The following GPHN variants were observed in gnomAD, a reference collection of about 807,000 sequenced individuals.
GPHN encodes gephyrin.
GPHN carries 17 observed loss-of-function variants against 95.5 expected under a neutral mutation model. The ratio of observed to expected loss-of-function variants is 0.18; its 90% confidence interval spans 0.12 to 0.27. GPHN has a LOEUF of 0.27. Ranked by LOEUF, GPHN falls within the 10% of genes least tolerant of loss-of-function variation. GPHN has a pLI of 1.00. For synonymous variants in GPHN, 320 were observed against 322.5 expected (o/e 0.99, Z 0.08); for missense variants, 660 against 978.1 (o/e 0.67, Z 4.34).
At chr14:67,034,283 A>G (rs932758062) in intron 10 of GPHN, among the ~76,000 whole-genome samples, 1 of 152,212 alleles carries the variant, frequency 6.6e-6, no homozygotes, top group African/African-American at 2.4e-5. Context: ...GTTCTGTTTC[A>G]TGTAAGTCTC....
Position 66,584,046 on chromosome 14 carries a change from A to T in GPHN, c.64+75455A>T, listed in dbSNP as rs554636581. Among the ~76,000 whole-genome samples the T allele has an allele frequency of 3.0e-3, 461 of 151,584 alleles. 3 individuals are homozygous for T. The highest frequency in any genetic ancestry group is 0.011 in the African/African-American group (440 of 41,368). On this transcript the variant is annotated intron_variant, in intron 1 of 22. Coordinates refer to ENST00000478722, the MANE Select transcript of GPHN (RefSeq NM_020806.5). ...TGGAATGTTCTTCCATTTGTTTGTA[A>T]CCTCTTTTATTTCATTGAGCAGTGG... is the stretch of plus-strand genomic sequence containing the variant.
chr14:66,801,284 G>A lies in GPHN; in HGVS notation c.202-23190G>A, dbSNP rs139520975. On this transcript the variant is annotated intron_variant, in intron 3 of 22. Coordinates refer to ENST00000478722, the MANE Select transcript of GPHN (RefSeq NM_020806.5). ...TGTTCATCTGTGTCTGGGCATTAAA[G>A]TGTTATGTATTTCCTGTAGTCTTTG... Among the ~76,000 whole-genome samples the A allele has an allele frequency of 1.4e-4, 21 of 152,222 alleles. No individual in the cohort carries two copies. The East Asian group carries it at 3.5e-3, about 25-fold the overall frequency.
chr14:66,513,692 C>T (rs888768113), intron 1 of GPHN, among the ~76,000 whole-genome samples: 2 of 151,800 alleles, frequency 1.3e-5, no homozygotes, highest in African/African-American at 4.8e-5. Flanking sequence ...GTAATTGGGA[C>T]TGTAGTCAAT....
chr14:67,165,468 TCC>T (rs2082222668), intron 20 of GPHN, among the ~76,000 whole-genome samples: 1 of 78,774 alleles, frequency 1.3e-5, no homozygotes, highest in Admixed American at 1.6e-4. Context: ...ACATTCCAAA[TCC>T]TATCAAAGCA....
At chr14:66,860,930 A>G (rs1402065008) in intron 4 of GPHN, among the ~76,000 whole-genome samples, 1 of 152,118 alleles carries the variant, frequency 6.6e-6, no homozygotes, top group East Asian at 1.9e-4. Flanking sequence ...CCACCAGAGA[A>G]AATCACTTCC....
intron 9 of GPHN, chr14:66,996,208 G>A (rs776654771): frequency 6.5e-5 from 99 of 1,527,688 alleles, no homozygotes; most frequent in South Asian, 2.1e-4. Context: ...TCTACCTATA[G>A]TGTATCTGAG....
At chr14:66,681,012 C>A (rs2153395239) in intron 1 of GPHN, 95 bp from the exon 2 acceptor site, 5 of 711,794 alleles carry the variant, frequency 7.0e-6, no homozygotes, top group African/African-American at 1.8e-5. Flanking sequence ...AAAAAAAAAG[C>A]TATTTTTCAT....
At chr14:67,061,086 G>T (rs930951564) in intron 11 of GPHN, among the ~76,000 whole-genome samples, 2 of 151,686 alleles carry the variant, frequency 1.3e-5, no homozygotes, top group Non-Finnish European at 1.5e-5. Context: ...TTGTTGCCCA[G>T]TCTGGAGTGC....
At chr14:67,487,185 G>C in the GPHN span, 1 of 152,212 alleles carries the variant, frequency 6.6e-6, no homozygotes, top group South Asian at 2.1e-4. Flanking sequence ...GGGAATAAAA[G>C]AGGAGGCTTT....
chr14:66,869,184 A>G (rs926321762), intron 4 of GPHN, among the ~76,000 whole-genome samples: 6 of 152,180 alleles, frequency 3.9e-5, no homozygotes, highest in Admixed American at 2.6e-4. Context: ...CAAGCTTTTA[A>G]TGGCATCTTT....
intron 2 of GPHN, among the ~76,000 whole-genome samples, chr14:66,721,291 T>A (rs985900307): frequency 1.6e-4 from 25 of 152,156 alleles, no homozygotes; most frequent in African/African-American, 5.8e-4. Flanking sequence ...ACCATAAAGA[T>A]CTGATGAGAG....
chr14:67,646,847 C>G, the GPHN span: 1 of 1,376,998 alleles, frequency 7.3e-7, no homozygotes, highest in South Asian at 1.2e-5. Flanking sequence ...AACAAACCCA[C>G]CCTCTCCCCC....
the GPHN span, among the ~76,000 whole-genome samples, chr14:67,644,957 C>T: frequency 6.6e-6 from 1 of 150,812 alleles, no homozygotes. Context: ...GAGATTGCGC[C>T]ACTGCACTCC....
chr14:67,473,287 C>T, the GPHN span: 1 of 1,276,826 alleles, frequency 7.8e-7, no homozygotes, highest in Non-Finnish European at 1.1e-6. The surrounding 1 kb of genome is among the most constrained non-coding windows in gnomAD (Gnocchi z 6.5). Context: ...CGTTAGGGGG[C>T]TCTGTGTGCC....
chr14:66,891,568 A>G (rs140801303), intron 5 of GPHN, among the ~76,000 whole-genome samples: 1 of 152,136 alleles, frequency 6.6e-6, no homozygotes, highest in Non-Finnish European at 1.5e-5. Flanking sequence ...GGACAGCTTC[A>G]TGACATTAGA....
chr14:67,058,553 G>T, intron 10 of GPHN, 96 bp from the exon 11 acceptor site: 1 of 1,042,348 alleles, frequency 9.6e-7, no homozygotes. Context: ...TTCATCTGGG[G>T]ACATTTGAAA....
chr14:66,654,468 A>C (rs2065208281), intron 1 of GPHN, among the ~76,000 whole-genome samples: 1 of 152,128 alleles, frequency 6.6e-6, no homozygotes, highest in African/African-American at 2.4e-5. Flanking sequence ...AATCCTCTTG[A>C]ATGAAATGTC....
the GPHN span, among the ~76,000 whole-genome samples, chr14:67,349,778 C>T: frequency 2.0e-5 from 3 of 152,218 alleles, no homozygotes; most frequent in African/African-American, 4.8e-5. Flanking sequence ...CACTTATACA[C>T]TATTGATTGA....
the GPHN span, chr14:67,724,665 T>C: frequency 8.7e-7 from 1 of 1,145,288 alleles, no homozygotes; most frequent in South Asian, 1.2e-5. Context: ...CTGTCCATAT[T>C]GCTTTGTGTT....
Sources: allele counts gnomAD v4.1 joint callset (sites outside exome capture counted in the v4.1 genomes callset), GRCh38; gene constraint gnomAD v4.1.1; non-coding constraint Gnocchi (gnomAD v3.1); transcripts MANE v1.5; gene names NCBI Gene and HGNC (gene_info 2026-07-23, HGNC 2026-07-21).